ZMAT4: variants seen among roughly 807,000 people sequenced by gnomAD.
ZMAT4 encodes zinc finger matrin-type 4.
In ZMAT4, 17 loss-of-function variants were observed where a neutral mutation model predicts 28.7. The ratio of observed to expected loss-of-function variants is 0.59; its 90% CI spans 0.41 to 0.89. The LOEUF is 0.89. Among genes scored for constraint, ZMAT4 ranks in the 40% least tolerant of loss-of-function variants. ZMAT4 has a pLI of 0.00. For missense variants in ZMAT4, 240 were observed against 283.8 expected (o/e 0.85, Z 1.11); for synonymous variants, 117 against 109.2 (o/e 1.07, Z -0.44).
intron 2 of ZMAT4, among the ~76,000 whole-genome samples, chr8:40,813,167 T>C (rs1235163665): frequency 6.6e-6 from 1 of 151,872 alleles, no homozygotes; most frequent in Non-Finnish European, 1.5e-5. Flanking sequence ...TATTCTAAAA[T>C]TTAAAAATTA....
At chr8:40,732,148 T>C (rs1439302810) in intron 3 of ZMAT4, among the ~76,000 whole-genome samples, 2 of 152,220 alleles carry the variant, frequency 1.3e-5, no homozygotes, top group Non-Finnish European at 2.9e-5. Flanking sequence ...ACAGTGATGA[T>C]GTTTGCACAA....
At chr8:40,662,120 G>A (rs1027560904) in intron 5 of ZMAT4, among the ~76,000 whole-genome samples, 1 of 149,514 alleles carries the variant, frequency 6.7e-6, no homozygotes, top group African/African-American at 2.5e-5. Context: ...GGGACCACAG[G>A]TGTGCACCAC....
At chr8:40,878,413 T>C (rs940789928) in intron 1 of ZMAT4, among the ~76,000 whole-genome samples, 8 of 152,210 alleles carry the variant, frequency 5.3e-5, no homozygotes, top group Non-Finnish European at 8.8e-5. Flanking sequence ...TTCTACAATA[T>C]TTCACAGATC....
chr8:40,735,340 T>C (rs535949332), intron 3 of ZMAT4, among the ~76,000 whole-genome samples: 1 of 152,198 alleles, frequency 6.6e-6, no homozygotes, highest in Non-Finnish European at 1.5e-5. Flanking sequence ...ATTTAAATTA[T>C]ATTATACTCA....
At chr8:40,709,204 A>T (rs1477578418) in intron 3 of ZMAT4, among the ~76,000 whole-genome samples, 1 of 152,168 alleles carries the variant, frequency 6.6e-6, no homozygotes, top group African/African-American at 2.4e-5. Context: ...TAATAGTTAT[A>T]CTGTATCTTT....
At chr8:40,615,955 C>T (rs1219543566) in intron 5 of ZMAT4, among the ~76,000 whole-genome samples, 1 of 152,114 alleles carries the variant, frequency 6.6e-6, no homozygotes, top group Non-Finnish European at 1.5e-5. Context: ...AGGCAACCTA[C>T]AAAATGGGAG....
intron 1 of ZMAT4, among the ~76,000 whole-genome samples, chr8:40,873,029 G>A (rs1817917548): frequency 6.6e-6 from 1 of 152,064 alleles, no homozygotes. Flanking sequence ...CTCAGTCTCT[G>A]AAGCCCCAAG....
chr8:40,853,788 A>C (rs1817200513), intron 1 of ZMAT4, among the ~76,000 whole-genome samples: 1 of 152,208 alleles, frequency 6.6e-6, no homozygotes, highest in South Asian at 2.1e-4. Flanking sequence ...AAGGCAAATA[A>C]TGTTTTAACA....
chr8:40,730,208 G>A (rs1028223416), intron 3 of ZMAT4, among the ~76,000 whole-genome samples: 1 of 152,080 alleles, frequency 6.6e-6, no homozygotes, highest in Admixed American at 6.5e-5. Context: ...CCCTTTAAAT[G>A]TTGGCACCCT....
chr8:40,737,720 T>C (rs910770734), intron 3 of ZMAT4, among the ~76,000 whole-genome samples: 6 of 152,126 alleles, frequency 3.9e-5, no homozygotes, highest in African/African-American at 7.2e-5. Flanking sequence ...AGTCTGATTA[T>C]GTATACATAT....
At chr8:40,872,692 T>A (rs1405128301) in intron 1 of ZMAT4, among the ~76,000 whole-genome samples, 2 of 152,126 alleles carry the variant, frequency 1.3e-5, no homozygotes, top group Non-Finnish European at 2.9e-5. Flanking sequence ...GTAAGCTGTC[T>A]GCAACATTCT....
chr8:40,588,912 C>T (rs903430391), intron 5 of ZMAT4, among the ~76,000 whole-genome samples: 4 of 152,232 alleles, frequency 2.6e-5, no homozygotes, highest in African/African-American at 4.8e-5. Flanking sequence ...AAGAATTGAT[C>T]GTAACACTCA....
intron 3 of ZMAT4, among the ~76,000 whole-genome samples, chr8:40,728,283 G>A (rs1334131700): frequency 6.6e-6 from 1 of 152,134 alleles, no homozygotes; most frequent in Non-Finnish European, 1.5e-5. Context: ...TTAAAGTCTG[G>A]TATATTAGTT....
rs114574563 is a variant in ZMAT4, at chr8:40,703,729, G to A, written c.193-6328C>T. Among the ~76,000 whole-genome samples, 1,185 of 152,248 alleles carry A rather than the reference G, an allele frequency of 7.8e-3. 17 individuals carry two copies. The highest frequency in any genetic ancestry group is 0.027 in the African/African-American group (1,108 of 41,540). The stretch of plus-strand genomic sequence containing the variant: ...AATTTTATACTTTAAAAATAGGTGA[G>A]TTTTGTGACATATGAATTGTATCTC... On this transcript the variant is annotated intron_variant, in intron 3 of 6. Coordinates refer to ENST00000297737, the MANE Select transcript of ZMAT4 (RefSeq NM_024645.3).
intron 5 of ZMAT4, among the ~76,000 whole-genome samples, chr8:40,670,705 A>G (rs997254513): frequency 6.6e-6 from 1 of 152,214 alleles, no homozygotes; most frequent in South Asian, 2.1e-4. Context: ...TAAATTTTTA[A>G]AAACAGATAA....
intron 6 of ZMAT4, among the ~76,000 whole-genome samples, chr8:40,555,130 G>A (rs1467164814): frequency 6.6e-6 from 1 of 152,070 alleles, no homozygotes; most frequent in Non-Finnish European, 1.5e-5. Flanking sequence ...CATCAATGTT[G>A]CTGCAAATGG....
chr8:40,874,127 C>T (rs1174510201), intron 1 of ZMAT4, among the ~76,000 whole-genome samples: 2 of 152,186 alleles, frequency 1.3e-5, no homozygotes, highest in Non-Finnish European at 2.9e-5. Flanking sequence ...GACACTACTC[C>T]CTATAAAACA....
chr8:40,578,092 G>T lies in ZMAT4; in HGVS notation c.674+3073C>A, dbSNP rs140838137. ...CAGTGAAGACAGTCTTGAATAAGAA[G>T]ATACAATTAGAAGATTTACACTATC... On this transcript the variant is annotated intron_variant, in intron 6 of 6. Transcript: ENST00000297737. Among the ~76,000 whole-genome samples the T allele has an allele frequency of 2.6e-5, 4 of 152,062 alleles. No homozygotes were observed. The East Asian group carries it at 7.7e-4, about 29-fold the overall frequency.
intron 5 of ZMAT4, among the ~76,000 whole-genome samples, chr8:40,623,681 G>A (rs1806277476): frequency 6.6e-6 from 1 of 152,158 alleles, no homozygotes; most frequent in African/African-American, 2.4e-5. Flanking sequence ...GAGGGTGAGA[G>A]TTCTCTTGGT....
Sources: gnomAD v4.1 joint callset for allele counts (sites outside exome capture counted in the v4.1 genomes callset) on GRCh38, gnomAD v4.1.1 for gene constraint, MANE v1.5 for transcripts, NCBI Gene and HGNC (gene_info 2026-07-23, HGNC 2026-07-21) for gene names.